The following ZNF543 variants were observed in gnomAD, a reference collection of about 807,000 sequenced individuals.
ZNF543 encodes the protein zinc finger protein 543.
A neutral mutation model predicts 13.4 loss-of-function variants in ZNF543; 10 were observed. The observed-to-expected ratio is 0.75, with a 90% CI of 0.46 to 1.26. The LOEUF (loss-of-function observed/expected upper bound fraction) is 1.26, where lower values mean the gene tolerates loss of function less well. Among genes scored for constraint, ZNF543 ranks in the 50% most tolerant of loss-of-function variants. ZNF543 has a pLI of 0.00. For missense variants in ZNF543, 768 were observed against 741.2 expected, an observed-to-expected ratio of 1.04 and a Z score of -0.42; for synonymous variants, 272 against 264.7, an observed-to-expected ratio of 1.03 and a Z score of -0.27.
chr19:57,330,073 T>A lies in ZNF543; in HGVS notation c.*808T>A, dbSNP rs1281315070. 2 of 152,174 alleles carry A rather than the reference T, an allele frequency of 1.3e-5. No homozygotes were observed. Among genetic ancestry groups the A allele is most frequent in the Non-Finnish European group, 2.9e-5 (2 of 68,038 alleles). The allele number at this position is 152,174 out of a possible 1,614,324, so 9.4% of individuals were successfully genotyped here. On this transcript the variant is annotated 3_prime_UTR_variant, in exon 4 of 4. Coordinates refer to ENST00000321545, the MANE Select transcript of ZNF543 (RefSeq NM_213598.4). ...GAAAACTTGCTTAGTCCTGCAACGT[T>A]CTCCACTCTCGAGGTGCAGAAGCAT...
chr19:57,320,924 C>T (rs66494727), intron 1 of ZNF543, 53 bp downstream of exon 1: 230,291 of 1,610,996 alleles, frequency 0.14, 16,917 homozygotes, highest in African/African-American at 0.17. Context: ...CTGGAGGCCT[C>T]GTGGGCAGGC....
chr19:57,323,348 C>T (rs1314240807), intron 1 of ZNF543, among the ~76,000 whole-genome samples: 2 of 152,056 alleles, frequency 1.3e-5, no homozygotes, highest in Non-Finnish European at 2.9e-5. Context: ...CCCGCCACCG[C>T]GCCCGGCTAA....
intron 1 of ZNF543, among the ~76,000 whole-genome samples, chr19:57,321,895 A>T (rs188918616): frequency 0.013 from 2,020 of 151,216 alleles, 53 homozygotes; most frequent in African/African-American, 0.047. Context: ...TGTGTGGACT[A>T]AAAAAAAATG....
At chr19:57,323,875 T>G in intron 2 of ZNF543, 67 bp downstream of exon 2, 1 of 1,568,286 alleles carries the variant, frequency 6.4e-7, no homozygotes, top group African/African-American at 1.4e-5. Context: ...CCCTCTCTCC[T>G]CCACAGCCCA....
At position 57,328,915 on chromosome 19, in the gene ZNF543, G is replaced by A. The variant is rs771479301; in HGVS notation, c.1453G>A (p.Gly485Arg). ...GAAACCCTATGAGTGCGTGGAGTGT[G>A]GAAAGGCCTTCAACCGCAGCTCACA... ...GEKPYECVEC[G>R]KAFNRSSHLT... Residue 485 changes from glycine (G) to arginine (R), a missense_variant, in exon 4 of 4, where the codon GGA (glycine) becomes AGA (arginine). By Grantham distance (125) the Gly-to-Arg change is moderately radical. This residue lies in a region of ZNF543 where 677 missense variants were observed against 631.4 expected (regional missense o/e 1.07). Transcript: ENST00000321545. The A allele has an allele frequency of 3.1e-6, 5 of 1,613,916 alleles. No individual in the cohort carries two copies. The highest frequency in any genetic ancestry group is 3.3e-4 in the Middle Eastern group (2 of 6,084).
rs539386458 is a variant in ZNF543, at chr19:57,330,451, G to A, written c.*1186G>A. The A allele has an allele frequency of 6.6e-6, 1 of 152,170 alleles. No individual in the cohort carries two copies. Among genetic ancestry groups the A allele is most frequent in the Non-Finnish European group, 1.5e-5 (1 of 68,004 alleles). 9.4% of individuals were successfully genotyped at this position (152,170 alleles called of 1,614,324 possible). ...TAAGGCCCCCCCAAAAATACAGTAT[G>A]TAGCTGAATTCCTTTGAAAGATCAT... On this transcript the variant is annotated 3_prime_UTR_variant, in exon 4 of 4. Transcript: ENST00000321545.
At chr19:57,326,596 C>G (rs756105512) in intron 2 of ZNF543, 37 bp from the exon 3 acceptor site, 2 of 1,543,298 alleles carry the variant, frequency 1.3e-6, no homozygotes, top group South Asian at 2.2e-5. Flanking sequence ...TTCTTCTAAC[C>G]TAACTCCCTG....
chr19:57,330,336 G>A lies in ZNF543; in HGVS notation c.*1071G>A, dbSNP rs770114760. 4 of 151,502 alleles carry A rather than the reference G, an allele frequency of 2.6e-5. No homozygotes were observed. The highest frequency in any genetic ancestry group is 5.9e-5 in the Non-Finnish European group (4 of 67,962). The allele number at this position is 151,502 out of a possible 1,614,324, so 9.4% of individuals were successfully genotyped here. On this transcript the variant is annotated 3_prime_UTR_variant, in exon 4 of 4. Coordinates refer to ENST00000321545, the MANE Select transcript of ZNF543 (RefSeq NM_213598.4). ...ATTGTTCATGCCCACAGTAATCCTG[G>A]GAATCTTAGTTTTTTCCTATGATTG...
In ZNF543 at chr19:57,328,776, T is replaced by C. The variant is rs1390225205; in HGVS notation, c.1314T>C (p.Phe438=). The part of the protein sequence containing the change: ...CGKAFTHCST[F]VLHKRTHTGE... ...AGGCCTTCACCCACTGCTCCACTTT[T>C]GTCTTGCATAAAAGGACCCACACAG... Residue 438 remains phenylalanine, a synonymous_variant, in exon 4 of 4, where the codon TTT becomes TTC. Transcript: ENST00000321545. 6.2e-7 allele frequency: 1 copy of C among 1,613,844 alleles called. No individual in the cohort carries two copies. The highest frequency in any genetic ancestry group is 8.5e-7 in the Non-Finnish European group (1 of 1,179,960).
At chr19:57,326,481 GGTT>G (rs1195685186) in intron 2 of ZNF543, 149 bp from the exon 3 acceptor site, 18 of 586,954 alleles carry the variant, frequency 3.1e-5, no homozygotes, top group Admixed American at 3.0e-4. Flanking sequence ...GTGTTTTTGT[GGTT>G]GTTTTATGGT....
Position 57,328,774 on chromosome 19 carries a change from T to G in ZNF543, c.1312T>G (p.Phe438Val). Residue 438 changes from phenylalanine to valine, a missense_variant, in exon 4 of 4, where the codon TTT becomes GTT. Physicochemically the swap from Phe to Val is conservative, Grantham distance 50. Transcript: ENST00000321545. Reference protein sequence around the residue: ...CGKAFTHCSTFVLHKRTHTGE... With the variant: ...CGKAFTHCSTVVLHKRTHTGE... ...AAAGGCCTTCACCCACTGCTCCACT[T>G]TTGTCTTGCATAAAAGGACCCACAC... 6.2e-7 allele frequency: 1 copy of G among 1,613,174 alleles called. No homozygotes were observed. The highest frequency in any genetic ancestry group is 1.1e-5 in the South Asian group (1 of 91,034).
intron 2 of ZNF543, among the ~76,000 whole-genome samples, chr19:57,325,311 G>C (rs2088114420): frequency 6.6e-6 from 1 of 152,190 alleles, no homozygotes; most frequent in South Asian, 2.1e-4. Flanking sequence ...CATTTGCTTA[G>C]AGATGACTGA....
At chr19:57,326,543 G>T (rs2088121873) in intron 2 of ZNF543, 90 bp from the exon 3 acceptor site, 4 of 947,758 alleles carry the variant, frequency 4.2e-6, no homozygotes, top group Non-Finnish European at 3.3e-6. Context: ...TCACTTCATG[G>T]TCTTCCCCAT....
In ZNF543 at chr19:57,329,109, C is replaced by G. The variant is rs997714120; in HGVS notation, c.1647C>G (p.Ser549=). Residue 549 remains serine (S), a synonymous_variant, in exon 4 of 4, where the codon TCC becomes TCG. Coordinates refer to ENST00000321545, the MANE Select transcript of ZNF543 (RefSeq NM_213598.4). The part of the protein sequence containing the change: ...ECGKAFNRGS[S]LTHHQRIHTG... Reference sequence around the variant, plus strand: ...GAAAGGCTTTTAATCGCGGCTCATCCCTCACACATCATCAAAGGATTCATA... The same window carrying G: ...GAAAGGCTTTTAATCGCGGCTCATCGCTCACACATCATCAAAGGATTCATA... 1 of 1,614,234 alleles carries G rather than the reference C, an allele frequency of 6.2e-7. No individual in the cohort carries two copies. Among genetic ancestry groups the G allele is most frequent in the Non-Finnish European group, 8.5e-7 (1 of 1,180,046 alleles).
Position 57,320,516 on chromosome 19 carries a change from T to G in ZNF543, c.-338T>G, listed in dbSNP as rs550166759. 1.0e-5 allele frequency: 3 copies of G among 292,824 alleles called. No homozygotes were observed. The highest frequency in any genetic ancestry group is 2.0e-5 in the Non-Finnish European group (3 of 153,094). The allele number at this position is 292,824 out of a possible 1,614,324, so 18.1% of individuals were successfully genotyped here. ...GTGAGCAGGATTGGCCCTGGAACAG[T>G]GTGGGGCCTGGACCGCTGGGTAGGC... On this transcript the variant is annotated 5_prime_UTR_variant, in exon 1 of 4. Coordinates refer to ENST00000321545, the MANE Select transcript of ZNF543 (RefSeq NM_213598.4).
rs745586733 is a variant in ZNF543 at position 57,328,306 on chromosome 19, C to G, written c.844C>G (p.Pro282Ala). 2.4e-5 allele frequency: 38 copies of G among 1,613,460 alleles called. No individual in the cohort carries two copies. Among genetic ancestry groups the G allele is most frequent in the Non-Finnish European group, 3.2e-5 (38 of 1,179,942 alleles). ...CCAGCGGATTCACAGTGGAGAGAAGCCTTATAAGTGCAGTGAATGTGGAAA... is the reference window on the plus strand; with the variant it reads ...CCAGCGGATTCACAGTGGAGAGAAGGCTTATAAGTGCAGTGAATGTGGAAA... ...RHQRIHSGEK[P>A]YKCSECGKAF... The change falls in exon 4 of 4, where the codon CCT becomes GCT. Residue 282 changes from proline (P) to alanine (A), a missense_variant. Physicochemically the swap from Pro to Ala is conservative, Grantham distance 27. Around this residue, in one of 3 missense-constraint regions of ZNF543, gnomAD observed 677 missense variants for 631.4 expected, o/e 1.07. Coordinates refer to ENST00000321545, the MANE Select transcript of ZNF543 (RefSeq NM_213598.4).
Position 57,329,968 on chromosome 19 carries a change from C to G in ZNF543, c.*703C>G, listed in dbSNP as rs2122946801. 1 of 152,296 alleles carries G rather than the reference C, an allele frequency of 6.6e-6. No homozygotes were observed. The highest frequency in any genetic ancestry group is 6.5e-5 in the Admixed American group (1 of 15,296). 9.4% of individuals were successfully genotyped at this position (152,296 alleles called of 1,614,324 possible). On this transcript the variant is annotated 3_prime_UTR_variant, in exon 4 of 4. Coordinates refer to ENST00000321545, the MANE Select transcript of ZNF543 (RefSeq NM_213598.4). ...TGTTTCAGAAACGAAAGATCTCATC[C>G]CCTTTATTTTTCTGTGTATGCATTC... is the stretch of plus-strand genomic sequence containing the variant.
intron 1 of ZNF543, among the ~76,000 whole-genome samples, chr19:57,323,382 C>T (rs377295543): frequency 2.9e-4 from 44 of 151,968 alleles, no homozygotes; most frequent in African/African-American, 9.4e-4. Flanking sequence ...TTAGCAGAGA[C>T]GGGGTTTCAC....
At chr19:57,326,173 A>G (rs1054872994) in intron 2 of ZNF543, among the ~76,000 whole-genome samples, 21 of 152,088 alleles carry the variant, frequency 1.4e-4, no homozygotes, top group African/African-American at 4.6e-4. Flanking sequence ...TTGGGGCCCA[A>G]TGAGGATGTT....
Sources: gnomAD v4.1 joint callset for allele counts (sites outside exome capture counted in the v4.1 genomes callset) on GRCh38, gnomAD v4.1.1 for gene constraint, gnomAD v4.1.1 regional missense constraint, MANE v1.5 for transcripts, NCBI Gene and HGNC (gene_info 2026-07-23, HGNC 2026-07-21) for gene names.